The following ASH2L variants were observed in gnomAD, a reference collection of about 807,000 sequenced individuals.
ASH2L encodes ASH2 like, histone lysine methyltransferase complex subunit.
In ASH2L, 30 loss-of-function variants were observed where a neutral mutation model predicts 81.1. That is an observed-to-expected ratio of 0.37 (90% CI 0.28 to 0.50). The LOEUF (loss-of-function observed/expected upper bound fraction) is 0.50. Among genes scored for constraint, ASH2L ranks in the 20% least tolerant of loss-of-function variants. The pLI is 0.95. For missense variants in ASH2L, 559 were observed against 792.1 expected, an observed-to-expected ratio of 0.71 and a Z score of 3.53; for synonymous variants, 273 against 279.9, an observed-to-expected ratio of 0.98 and a Z score of 0.24.
intron 1 of ASH2L, 180 bp downstream of exon 1, chr8:38,105,918 C>T: frequency 2.0e-6 from 3 of 1,482,884 alleles, no homozygotes; most frequent in Non-Finnish European, 2.7e-6. Context: ...AACGCCCCTT[C>T]CGCACCTTTC....
At chr8:38,106,520 T>TTG in intron 2 of ASH2L, 76 bp downstream of exon 2, 2 of 1,312,476 alleles carry the variant, frequency 1.5e-6, no homozygotes, top group Non-Finnish European at 2.1e-6. Context: ...TTTTTTTTTT[T>TTG]TTGTTGCGAC....
At chr8:38,116,565 T>C in intron 7 of ASH2L, 85 bp from the exon 8 acceptor site, 2 of 1,073,600 alleles carry the variant, frequency 1.9e-6, no homozygotes, top group South Asian at 1.3e-5. Flanking sequence ...TTAGTTCCCA[T>C]TCTGTTAGAA....
chr8:38,116,023 T>A (rs1318687999), intron 7 of ASH2L, among the ~76,000 whole-genome samples: 1 of 152,078 alleles, frequency 6.6e-6, no homozygotes, highest in Non-Finnish European at 1.5e-5. Flanking sequence ...GATCGGGAGT[T>A]GGAGACCAGC....
chr8:38,131,777 G>A (rs1448688096), intron 12 of ASH2L, among the ~76,000 whole-genome samples: 1 of 151,514 alleles, frequency 6.6e-6, no homozygotes, highest in Non-Finnish European at 1.5e-5. Flanking sequence ...AAAAACTCAA[G>A]ATGCAAGACA....
chr8:38,106,009 G>A (rs987345840), intron 1 of ASH2L: 10 of 1,530,996 alleles, frequency 6.5e-6, no homozygotes, highest in Admixed American at 5.9e-5. Context: ...ACACTTTAAC[G>A]GGAGGCCTTC....
At chr8:38,106,880 C>T in intron 2 of ASH2L, 141 bp from the exon 3 acceptor site, 1 of 963,744 alleles carries the variant, frequency 1.0e-6, no homozygotes, top group East Asian at 2.9e-5. Context: ...CCTGTAATCC[C>T]AGCACTTTGG....
At chr8:38,122,325 G>A (rs1378240883) in intron 10 of ASH2L, 3 of 151,820 alleles carry the variant, frequency 2.0e-5, no homozygotes, top group Non-Finnish European at 4.4e-5. Flanking sequence ...TTCTTTCACC[G>A]AGCCCTGGTT....
intron 8 of ASH2L, 93 bp downstream of exon 8, chr8:38,116,818 C>G: frequency 9.7e-7 from 1 of 1,032,788 alleles, no homozygotes. Flanking sequence ...GACCCTTAAC[C>G]TGGATACTTA....
At position 38,116,375 on chromosome 8, in the gene ASH2L, T is replaced by A. The variant is rs59005963; in HGVS notation, c.778-275T>A. Among the ~76,000 whole-genome samples, 1,157 of 149,988 alleles carry A rather than the reference T, an allele frequency of 7.7e-3. 12 individuals carry two copies. The highest frequency in any genetic ancestry group is 0.027 in the African/African-American group (1,105 of 40,674). On this transcript the variant is annotated intron_variant, in intron 7 of 15. Transcript: ENST00000343823. Reference sequence around the variant, plus strand: ...GAGTGAAACTCTCTCAAAAAAAAAATAATAATAATTAGCCAGGCGTGTTGG... The same window carrying A: ...GAGTGAAACTCTCTCAAAAAAAAAAAAATAATAATTAGCCAGGCGTGTTGG...
chr8:38,106,923 C>T, intron 2 of ASH2L, 98 bp from the exon 3 acceptor site: 2 of 1,454,680 alleles, frequency 1.4e-6, no homozygotes, highest in Non-Finnish European at 1.9e-6. Flanking sequence ...TTGAGACCAG[C>T]CTGGGCAACA....
At chr8:38,126,865 A>T (rs921426984) in intron 10 of ASH2L, among the ~76,000 whole-genome samples, 7 of 151,278 alleles carry the variant, frequency 4.6e-5, no homozygotes, top group Admixed American at 3.3e-4. Flanking sequence ...AAAAAGAAAG[A>T]AAGTTTGAAA....
At chr8:38,130,281 A>AT (rs1802006731) in intron 12 of ASH2L, among the ~76,000 whole-genome samples, 8 of 49,764 alleles carry the variant, frequency 1.6e-4, no homozygotes, top group African/African-American at 4.2e-4. Flanking sequence ...CAGGTTTGGT[A>AT]TTTTTTGTTT....
At chr8:38,127,742 C>CAAA (rs780876575) in intron 10 of ASH2L, among the ~76,000 whole-genome samples, 2 of 68,006 alleles carry the variant, frequency 2.9e-5, no homozygotes, top group African/African-American at 5.4e-5. Context: ...GACTCTGTCT[C>CAAA]AAAAAAAAAA....
intron 10 of ASH2L, chr8:38,122,291 A>G (rs569368864): frequency 1.3e-5 from 2 of 152,202 alleles, no homozygotes; most frequent in African/African-American, 4.8e-5. Context: ...GGCCAATCTT[A>G]TATTTTCTGT....
chr8:38,106,046 G>C, intron 1 of ASH2L: 5 of 1,526,552 alleles, frequency 3.3e-6, no homozygotes, highest in Non-Finnish European at 4.4e-6. Context: ...AAACCACTTT[G>C]CAGTGCCAGA....
At chr8:38,105,815 G>A (rs969464818) in intron 1 of ASH2L, 77 bp downstream of exon 1, 4 of 1,471,646 alleles carry the variant, frequency 2.7e-6, no homozygotes, top group African/African-American at 1.4e-5. Flanking sequence ...CTGGAGCCCT[G>A]CCGCCCGCCC....
chr8:38,116,984 C>T (rs192529343), intron 8 of ASH2L, among the ~76,000 whole-genome samples: 5 of 152,310 alleles, frequency 3.3e-5, no homozygotes, highest in East Asian at 1.9e-4. Flanking sequence ...GTCAGATTTG[C>T]TGTGTTTATA....
chr8:38,123,757 CTCTAGTT>C (rs1426725419), intron 10 of ASH2L, among the ~76,000 whole-genome samples: 1 of 152,232 alleles, frequency 6.6e-6, no homozygotes, highest in East Asian at 1.9e-4. Context: ...CCCACTCACA[CTCTAGTT>C]TCTAGTTTAT....
intron 7 of ASH2L, 57 bp downstream of exon 7, chr8:38,115,057 A>G: frequency 2.6e-6 from 3 of 1,144,052 alleles, no homozygotes; most frequent in Non-Finnish European, 4.0e-6. Flanking sequence ...GGGATAGGTA[A>G]TCAGGTTCTG....
Sources: gnomAD v4.1 joint callset for allele counts (sites outside exome capture counted in the v4.1 genomes callset) on GRCh38, gnomAD v4.1.1 for gene constraint, MANE v1.5 for transcripts, NCBI Gene and HGNC (gene_info 2026-07-23, HGNC 2026-07-21) for gene names.